The following GPD1L variants were observed in gnomAD, a reference collection of about 807,000 sequenced individuals.
GPD1L encodes glycerol-3-phosphate dehydrogenase 1-like protein.
Under a neutral mutation model 32.9 loss-of-function variants are expected in GPD1L, and 17 were observed. The observed-to-expected ratio is 0.52, with a 90% CI of 0.35 to 0.78. The LOEUF (loss-of-function observed/expected upper bound fraction) is 0.78, where lower values mean the gene tolerates loss of function less well. Ranked by LOEUF, GPD1L falls within the 30% of genes least tolerant of loss-of-function variation. The pLI is 0.01. For synonymous variants in GPD1L, 187 were observed against 165.9 expected (o/e 1.13, Z -0.98); for missense variants, 361 against 447.8 (o/e 0.81, Z 1.75).
intron 1 of GPD1L, among the ~76,000 whole-genome samples, chr3:32,126,536 G>C (rs931180204): frequency 6.6e-6 from 1 of 152,218 alleles, no homozygotes; most frequent in Admixed American, 6.5e-5. Flanking sequence ...GAGTACGTGA[G>C]CAGCTGTTTC....
Position 32,168,256 on chromosome 3 carries a change from ACT to A in GPD1L, c.*2349_*2350del, listed in dbSNP as rs537616228. 2.6e-3 allele frequency: 394 copies of A among 152,682 alleles called. No individual in the cohort carries two copies. The highest frequency in any genetic ancestry group is 3.9e-3 in the Non-Finnish European group (262 of 68,028). 9.5% of individuals were successfully genotyped at this position (152,682 alleles called of 1,614,324 possible). A position where few individuals can be genotyped will look rare whatever the true frequency, so the allele number is the denominator to read the frequency against. On this transcript the variant is annotated 3_prime_UTR_variant, in exon 8 of 8. Transcript: ENST00000282541. ...GCTCTACTAACTGTAGATATTTATG[ACT>A]CTGCGAGTTATCTATTTTTATAACC...
intron 2 of GPD1L, among the ~76,000 whole-genome samples, chr3:32,132,574 T>G (rs1700601158): frequency 6.6e-6 from 1 of 152,220 alleles, no homozygotes. Flanking sequence ...GTTTAACTCT[T>G]TGATTTCATT....
intron 1 of GPD1L, among the ~76,000 whole-genome samples, chr3:32,127,499 G>A (rs1700526943): frequency 6.6e-6 from 1 of 152,238 alleles, no homozygotes; most frequent in Non-Finnish European, 1.5e-5. Context: ...GTGGGAGACT[G>A]AGCCGTCACT....
chr3:32,135,327 T>C (rs1156850036), intron 2 of GPD1L, among the ~76,000 whole-genome samples: 1 of 152,196 alleles, frequency 6.6e-6, no homozygotes, highest in Non-Finnish European at 1.5e-5. Context: ...ATCGGAGTTC[T>C]TGTGAAGGCC....
chr3:32,150,402 A>C (rs1348797800), intron 5 of GPD1L, among the ~76,000 whole-genome samples: 1 of 151,958 alleles, frequency 6.6e-6, no homozygotes, highest in Non-Finnish European at 1.5e-5. Context: ...TCAGCCTCCC[A>C]AGTAGCTGGG....
chr3:32,117,733 G>A (rs1700353448), intron 1 of GPD1L, among the ~76,000 whole-genome samples: 2 of 152,180 alleles, frequency 1.3e-5, no homozygotes, highest in African/African-American at 2.4e-5. Flanking sequence ...GGACAGTTTG[G>A]TTCTCTGCCA....
At chr3:32,123,853 A>G (rs1010831269) in intron 1 of GPD1L, among the ~76,000 whole-genome samples, 2 of 95,994 alleles carry the variant, frequency 2.1e-5, no homozygotes, top group African/African-American at 7.0e-5. Flanking sequence ...CAGACAGATA[A>G]GACCCATGCC....
chr3:32,138,467 C>A, intron 2 of GPD1L, 120 bp from the exon 3 acceptor site: 2 of 934,150 alleles, frequency 2.1e-6, no homozygotes, highest in Non-Finnish European at 3.5e-6. Context: ...CCTTCCTTGT[C>A]TATCTGTGCA....
intron 5 of GPD1L, among the ~76,000 whole-genome samples, chr3:32,148,611 A>G (rs1260225648): frequency 6.6e-6 from 1 of 152,232 alleles, no homozygotes; most frequent in African/African-American, 2.4e-5. Context: ...GGAAATCGAG[A>G]TCCAAAGAGC....
intron 5 of GPD1L, among the ~76,000 whole-genome samples, chr3:32,148,775 C>T (rs943873263): frequency 1.3e-5 from 2 of 152,184 alleles, no homozygotes; most frequent in African/African-American, 4.8e-5. Flanking sequence ...CTCATCAGAG[C>T]CTGCCAGAGC....
chr3:32,124,679 A>T (rs1700479089), intron 1 of GPD1L, among the ~76,000 whole-genome samples: 1 of 152,186 alleles, frequency 6.6e-6, no homozygotes, highest in Non-Finnish European at 1.5e-5. Context: ...TAATCCTAAC[A>T]CCTTGGGAGG....
Position 32,165,922 on chromosome 3 carries a change from C to T in GPD1L, c.*12C>T. ...CAGAGCATACATAAAGTGAATCATG[C>T]AACGTGTTGGGGGAAGTTCTGCCTT... is the stretch of plus-strand genomic sequence containing the variant. On this transcript the variant is annotated 3_prime_UTR_variant, in exon 8 of 8. Coordinates refer to ENST00000282541, the MANE Select transcript of GPD1L (RefSeq NM_015141.4). 1 of 1,432,608 alleles carries T rather than the reference C, an allele frequency of 7.0e-7. No individual in the cohort carries two copies. Among genetic ancestry groups the T allele is most frequent in the Non-Finnish European group, 9.9e-7 (1 of 1,014,164 alleles). The allele number at this position is 1,432,608 out of a possible 1,614,324, so 88.7% of individuals were successfully genotyped here.
At position 32,115,441 on chromosome 3, in the gene GPD1L, G is replaced by T. The variant is rs536337686; in HGVS notation, c.47+8683G>T. On this transcript the variant is annotated intron_variant, in intron 1 of 7. Coordinates refer to ENST00000282541, the MANE Select transcript of GPD1L (RefSeq NM_015141.4). ...CCCACTGGACCCAAGAAGTCCAGCT[G>T]GCTTCACCTCTCATTATCATTACAG... Among the ~76,000 whole-genome samples the T allele has an allele frequency of 3.2e-4, 48 of 152,298 alleles. 1 individual carries two copies. The South Asian group carries it at 7.1e-3, about 22-fold the overall frequency.
chr3:32,118,366 T>C lies in GPD1L; in HGVS notation c.48-9710T>C, dbSNP rs565942411. 1.2e-3 allele frequency among the ~76,000 whole-genome samples: 186 copies of C among 152,308 alleles called. 3 individuals are homozygous for C. Among genetic ancestry groups the C allele is most frequent in the Middle Eastern group, 6.8e-3 (2 of 294 alleles). On this transcript the variant is annotated intron_variant, in intron 1 of 7. Transcript: ENST00000282541. The stretch of plus-strand genomic sequence containing the variant: ...TGCATCTACTATGTCAACACTTCAA[T>C]GTGCATGTGAATCTCTTGGGGATTG...
At position 32,106,674 on chromosome 3, in the gene GPD1L, A is replaced by G; in HGVS notation, c.-38A>G. On this transcript the variant is annotated 5_prime_UTR_variant, in exon 1 of 8. Coordinates refer to ENST00000282541, the MANE Select transcript of GPD1L (RefSeq NM_015141.4). This position sits in a 1 kb window ranked among gnomAD's most constrained non-coding sequence, Gnocchi z 4.0. ...AACAGGCGGAGGTGGGCAGCCGGCC[A>G]GGGAAGCACGGTCCAGGCGGCTACA... 9 of 1,502,712 alleles carry G rather than the reference A, an allele frequency of 6.0e-6. No homozygotes were observed. Among genetic ancestry groups the G allele is most frequent in the South Asian group, 2.6e-5 (2 of 76,008 alleles). The allele number at this position is 1,502,712 out of a possible 1,614,324, so 93.1% of individuals were successfully genotyped here.
chr3:32,132,397 G>T (rs1007724312), intron 2 of GPD1L, among the ~76,000 whole-genome samples: 3 of 152,132 alleles, frequency 2.0e-5, no homozygotes, highest in African/African-American at 7.2e-5. Flanking sequence ...TGCTTTTTAG[G>T]TGGTATCACA....
At chr3:32,127,881 C>T (rs1322856729) in intron 1 of GPD1L, among the ~76,000 whole-genome samples, 195 bp from the exon 2 acceptor site, 2 of 152,132 alleles carry the variant, frequency 1.3e-5, no homozygotes, top group East Asian at 1.9e-4. Flanking sequence ...CTGGTGCTTT[C>T]CCAGTCACAG....
At chr3:32,115,502 C>A (rs1279004106) in intron 1 of GPD1L, among the ~76,000 whole-genome samples, 2 of 152,162 alleles carry the variant, frequency 1.3e-5, no homozygotes, top group Admixed American at 6.5e-5. Context: ...AAACTATATC[C>A]TCATCATTTG....
At position 32,140,219 on chromosome 3, in the gene GPD1L, T is replaced by A. The variant is rs1356218184; in HGVS notation, c.367-9T>A. 6.2e-7 allele frequency: 1 copy of A among 1,614,020 alleles called. No homozygotes were observed. ...TTTGTTCTCTCCTAACTTCTTGGCA[T>A]CCTTGTAGGGCATAGACGAGGGCCC... On this transcript the variant is annotated splice_polypyrimidine_tract_variant and intron_variant, in intron 3 of 7. Coordinates refer to ENST00000282541, the MANE Select transcript of GPD1L (RefSeq NM_015141.4).
Sources: allele counts gnomAD v4.1 joint callset (sites outside exome capture counted in the v4.1 genomes callset), GRCh38; gene constraint gnomAD v4.1.1; non-coding constraint Gnocchi (gnomAD v3.1); transcripts MANE v1.5; gene names NCBI Gene and HGNC (gene_info 2026-07-23, HGNC 2026-07-21).